The following GLI3 variants were observed in gnomAD, a reference collection of about 807,000 sequenced individuals.
GLI3 encodes GLI family zinc finger 3.
A neutral mutation model predicts 100.8 loss-of-function variants in GLI3; 20 were observed. The ratio of observed to expected loss-of-function variants is 0.20; its 90% CI spans 0.14 to 0.29. GLI3 has a LOEUF of 0.29. Ranked by LOEUF, GLI3 falls within the 10% of genes least tolerant of loss-of-function variation. The pLI, the probability that GLI3 is intolerant of heterozygous loss-of-function variation, is 1.00. For synonymous variants in GLI3, 938 were observed against 860.5 expected, an observed-to-expected ratio of 1.09 and a Z score of -1.58; for missense variants, 2,040 against 2,128.5, an observed-to-expected ratio of 0.96 and a Z score of 0.82.
chr7:42,169,805 G>A (rs1252157660), intron 2 of GLI3, among the ~76,000 whole-genome samples: 8 of 152,066 alleles, frequency 5.3e-5, no homozygotes. Context: ...ATGCCAAAAT[G>A]TTAGCAGTGA....
intron 10 of GLI3, among the ~76,000 whole-genome samples, chr7:41,999,774 G>C (rs572019521): frequency 1.3e-5 from 2 of 152,292 alleles, no homozygotes; most frequent in Admixed American, 1.3e-4. Flanking sequence ...TTTTGGCAAT[G>C]TCAAAATGCC....
intron 1 of GLI3, among the ~76,000 whole-genome samples, chr7:42,234,441 C>T (rs151020804): frequency 6.6e-6 from 1 of 152,166 alleles, no homozygotes; most frequent in Non-Finnish European, 1.5e-5. Flanking sequence ...AACTTTTAGG[C>T]TTGCACATCG....
chr7:42,041,617 A>G (rs111595449), intron 6 of GLI3, among the ~76,000 whole-genome samples: 2,345 of 152,298 alleles, frequency 0.015, 25 homozygotes, highest in South Asian at 0.026. Context: ...ACCCAGAACA[A>G]CTGAAGTAGC....
intron 14 of GLI3, among the ~76,000 whole-genome samples, chr7:41,967,311 C>T (rs2128706709): frequency 6.6e-6 from 1 of 152,324 alleles, no homozygotes; most frequent in East Asian, 1.9e-4. Context: ...ACCACAGATG[C>T]CTCCACTGCT....
chr7:42,132,915 C>A (rs546142068), intron 3 of GLI3, among the ~76,000 whole-genome samples: 38 of 141,102 alleles, frequency 2.7e-4, no homozygotes, highest in Non-Finnish European at 4.4e-4. Flanking sequence ...AAAATGAGCT[C>A]AAAAAAAAAA....
intron 4 of GLI3, among the ~76,000 whole-genome samples, chr7:42,070,468 G>C (rs1784762954): frequency 6.6e-6 from 1 of 152,226 alleles, no homozygotes; most frequent in Non-Finnish European, 1.5e-5. Context: ...AGGCATGGAA[G>C]TCCGGAGCAA....
At chr7:42,044,313 C>T (rs116853420) in intron 6 of GLI3, among the ~76,000 whole-genome samples, 2,421 of 152,340 alleles carry the variant, frequency 0.016, 32 homozygotes, top group Non-Finnish European at 0.024. Flanking sequence ...AAGGTAGTGG[C>T]TTTTGCTGAT....
chr7:42,088,502 C>A (rs1785151025), intron 3 of GLI3, among the ~76,000 whole-genome samples: 1 of 152,210 alleles, frequency 6.6e-6, no homozygotes, highest in African/African-American at 2.4e-5. Flanking sequence ...TCTGACCGTC[C>A]ACCCCTTAGA....
intron 2 of GLI3, among the ~76,000 whole-genome samples, chr7:42,188,930 AT>A (rs1181068073): frequency 6.6e-6 from 1 of 152,186 alleles, no homozygotes; most frequent in Non-Finnish European, 1.5e-5. Flanking sequence ...ATCACTATCC[AT>A]TTGTCCAAAC....
chr7:42,123,664 T>A (rs1161466950), intron 3 of GLI3, among the ~76,000 whole-genome samples: 1 of 152,236 alleles, frequency 6.6e-6, no homozygotes, highest in Non-Finnish European at 1.5e-5. Flanking sequence ...TTCAATTTTA[T>A]TTTTAAGTAA....
In GLI3 at chr7:41,977,538, T is replaced by G; in HGVS notation, c.1812+20A>C. The G allele has an allele frequency of 6.2e-7, 1 of 1,612,176 alleles. No homozygotes were observed. The highest frequency in any genetic ancestry group is 1.3e-5 in the African/African-American group (1 of 75,028). ...TCTTTGTTTCCTTATGCAAGCTCCA[T>G]GCCCACTGAGGATGCTTACCTCATT... On this transcript the variant is annotated intron_variant, in intron 12 of 14. Coordinates refer to ENST00000395925, the MANE Select transcript of GLI3 (RefSeq NM_000168.6).
intron 13 of GLI3, among the ~76,000 whole-genome samples, chr7:41,971,449 T>G (rs1382412839): frequency 6.6e-6 from 1 of 152,234 alleles, no homozygotes; most frequent in African/African-American, 2.4e-5. Context: ...TCTTAATTTT[T>G]CTTGTTGTCT....
intron 10 of GLI3, among the ~76,000 whole-genome samples, chr7:41,986,785 G>C (rs73320221): frequency 0.049 from 7,417 of 151,644 alleles, 269 homozygotes; most frequent in African/African-American, 0.094. Context: ...CATACGAATT[G>C]CTGTATACTT....
intron 2 of GLI3, among the ~76,000 whole-genome samples, chr7:42,178,174 C>T (rs1247493771): frequency 6.6e-6 from 1 of 152,230 alleles, no homozygotes; most frequent in Non-Finnish European, 1.5e-5. Context: ...TGTCCACACA[C>T]TCAACTGCTC....
At chr7:41,969,241 C>T (rs1434771855) in intron 13 of GLI3, among the ~76,000 whole-genome samples, 4 of 152,146 alleles carry the variant, frequency 2.6e-5, no homozygotes, top group East Asian at 1.9e-4. Context: ...ACTCCTAGGC[C>T]GGCTACTTCC....
At chr7:42,137,620 C>G (rs898659435) in intron 3 of GLI3, among the ~76,000 whole-genome samples, 1 of 152,160 alleles carries the variant, frequency 6.6e-6, no homozygotes, top group Non-Finnish European at 1.5e-5. Flanking sequence ...AAGTCTCTCT[C>G]TAGCACATCA....
At chr7:42,096,731 G>GTT (rs1489510699) in intron 3 of GLI3, among the ~76,000 whole-genome samples, 2 of 152,190 alleles carry the variant, frequency 1.3e-5, no homozygotes, top group African/African-American at 4.8e-5. Context: ...AGAGCATGGA[G>GTT]AGTAAGCAGC....
At chr7:42,181,190 G>A (rs1370333607) in intron 2 of GLI3, among the ~76,000 whole-genome samples, 1 of 152,152 alleles carries the variant, frequency 6.6e-6, no homozygotes, top group East Asian at 1.9e-4. Flanking sequence ...ACTTTCTAGG[G>A]ATTATATTAG....
At chr7:42,115,698 A>G (rs769340726) in intron 3 of GLI3, among the ~76,000 whole-genome samples, 7 of 152,180 alleles carry the variant, frequency 4.6e-5, no homozygotes, top group Non-Finnish European at 1.0e-4. Context: ...TGGGGCAGTT[A>G]GTTGCTTGGG....
Sources: allele counts gnomAD v4.1 joint callset (sites outside exome capture counted in the v4.1 genomes callset), GRCh38; gene constraint gnomAD v4.1.1; transcripts MANE v1.5; gene names NCBI Gene and HGNC (gene_info 2026-07-23, HGNC 2026-07-21).